The following ZFHX3 variants were observed in gnomAD, a reference collection of about 807,000 sequenced individuals.
The protein encoded by ZFHX3 is zinc finger homeobox protein 3.
In ZFHX3, 42 loss-of-function variants were observed where a neutral mutation model predicts 279.1. The observed-to-expected ratio is 0.15, with a 90% CI of 0.12 to 0.19. The LOEUF (loss-of-function observed/expected upper bound fraction) is 0.19, where lower values mean the gene tolerates loss of function less well. Ranked by LOEUF, ZFHX3 falls within the 10% of genes least tolerant of loss-of-function variation. The probability of loss-of-function intolerance (pLI) is 1.00; values close to 1 mark genes in which losing one functional copy is unlikely to be tolerated. For synonymous variants in ZFHX3, 2,293 were observed against 1,957.8 expected, an observed-to-expected ratio of 1.17 and a Z score of -4.52; for missense variants, 4,981 against 4,754.0, an observed-to-expected ratio of 1.05 and a Z score of -1.40.
intron 3 of ZFHX3, among the ~76,000 whole-genome samples, chr16:73,418,144 G>A (rs1187766065): frequency 2.6e-5 from 4 of 152,168 alleles, no homozygotes; most frequent in African/African-American, 7.2e-5. Context: ...CTGGGAACTC[G>A]CTATTTCCCT....
At chr16:73,133,397 C>T (rs552435118) in intron 6 of ZFHX3, among the ~76,000 whole-genome samples, 1 of 152,178 alleles carries the variant, frequency 6.6e-6, no homozygotes, top group East Asian at 1.9e-4. Context: ...TGGCGAGTGC[C>T]TGTAGTCCCA....
chr16:73,778,259 A>C (rs894501382), intron 1 of ZFHX3, among the ~76,000 whole-genome samples: 1 of 149,680 alleles, frequency 6.7e-6, no homozygotes, highest in Admixed American at 6.6e-5. Flanking sequence ...AAAAAAAAAA[A>C]AAAGCATTGG....
At chr16:73,436,566 G>A (rs1265466907) in intron 3 of ZFHX3, among the ~76,000 whole-genome samples, 2 of 152,078 alleles carry the variant, frequency 1.3e-5, no homozygotes, top group South Asian at 2.1e-4. Context: ...ACAACACGTG[G>A]GAATTATGGG....
intron 2 of ZFHX3, among the ~76,000 whole-genome samples, chr16:73,615,563 A>T (rs778220102): frequency 1.3e-5 from 2 of 152,228 alleles, no homozygotes; most frequent in African/African-American, 4.8e-5. Context: ...CTTTGTTTAC[A>T]ATTACATGTC....
At chr16:73,109,047 C>T (rs1966339382) in intron 7 of ZFHX3, among the ~76,000 whole-genome samples, 1 of 152,222 alleles carries the variant, frequency 6.6e-6, no homozygotes, top group African/African-American at 2.4e-5. Context: ...GCACAAGGCT[C>T]TTCAGAGGGG....
Position 73,424,753 on chromosome 16 carries a change from CAAAAA to C in ZFHX3, c.-1291+31245_-1291+31249del, listed in dbSNP as rs71156163. ...TGGGAGACAGAGTGATACCCTGTGT[CAAAAA>C]AAAAAAAAAAAAAAAAAAAGAGAAA... On this transcript the variant is annotated intron_variant, in intron 3 of 17. Coordinates refer to the ZFHX3 transcript ENST00000641206. 9.8e-3 allele frequency among the ~76,000 whole-genome samples: 937 copies of C among 95,776 alleles called. 3 individuals carry two copies. The highest frequency in any genetic ancestry group is 0.027 in the African/African-American group (572 of 21,394). The allele number at this position is 95,776 out of a possible 152,430, so 62.8% of individuals were successfully genotyped here. A position where few individuals can be genotyped will look rare whatever the true frequency, so the allele number is the denominator to read the frequency against.
At chr16:73,189,947 A>C (rs1967992569) in intron 5 of ZFHX3, among the ~76,000 whole-genome samples, 1 of 152,224 alleles carries the variant, frequency 6.6e-6, no homozygotes, top group South Asian at 2.1e-4. Flanking sequence ...TTAAAAAAAA[A>C]ATTAAAAACT....
chr16:72,816,836 A>G (rs2036621032), intron 5 of ZFHX3, among the ~76,000 whole-genome samples: 2 of 152,362 alleles, frequency 1.3e-5, no homozygotes, highest in Admixed American at 1.3e-4. Context: ...TTGTCAATAC[A>G]TGGCTCCCTT....
At position 73,124,502 on chromosome 16, in the gene ZFHX3, C is replaced by T. The variant is rs565148504; in HGVS notation, c.-897+6466G>A. On this transcript the variant is annotated intron_variant, in intron 7 of 17. Transcript: ENST00000641206. ...ATTCAGACCATACCCTAGAGCGATT[C>T]AGAGTGCGGGCTTTGGAGCCAGGCA... Among the ~76,000 whole-genome samples, 59 of 152,298 alleles carry T rather than the reference C, an allele frequency of 3.9e-4. 2 individuals carry two copies. Among genetic ancestry groups the T allele is most frequent in the African/African-American group, 1.2e-3 (50 of 41,568 alleles).
chr16:73,429,344 T>C (rs1457795005), intron 3 of ZFHX3, among the ~76,000 whole-genome samples: 1 of 152,162 alleles, frequency 6.6e-6, no homozygotes, highest in African/African-American at 2.4e-5. Context: ...ATATATATAA[T>C]TTTTATGAGA....
At chr16:72,833,754 T>G (rs542485716) in intron 4 of ZFHX3, among the ~76,000 whole-genome samples, 1 of 152,198 alleles carries the variant, frequency 6.6e-6, no homozygotes, top group Admixed American at 6.5e-5. Context: ...CAGCTCTGTG[T>G]TTTAGAAGAC....
At chr16:73,109,052 G>C (rs1197221502) in intron 7 of ZFHX3, among the ~76,000 whole-genome samples, 3 of 152,216 alleles carry the variant, frequency 2.0e-5, no homozygotes, top group African/African-American at 7.2e-5. Context: ...AGGCTCTTCA[G>C]AGGGGACCCT....
At chr16:72,936,848 T>C (rs960321927) in intron 3 of ZFHX3, among the ~76,000 whole-genome samples, 11 of 151,726 alleles carry the variant, frequency 7.2e-5, no homozygotes, top group African/African-American at 1.9e-4. Flanking sequence ...GGAGAGGGGA[T>C]TGTAAAGGGC....
intron 5 of ZFHX3, among the ~76,000 whole-genome samples, chr16:73,180,020 G>A (rs896653198): frequency 2.6e-5 from 4 of 152,184 alleles, no homozygotes; most frequent in South Asian, 4.1e-4. Context: ...TTACCACTAT[G>A]TCAATAGAAG....
intron 1 of ZFHX3, among the ~76,000 whole-genome samples, chr16:73,746,364 T>C (rs2142265086): frequency 6.6e-6 from 1 of 152,318 alleles, no homozygotes; most frequent in Non-Finnish European, 1.5e-5. Context: ...ATTTACGATT[T>C]TTATTATAAA....
At chr16:73,718,140 G>C (rs2142234806) in intron 1 of ZFHX3, among the ~76,000 whole-genome samples, 1 of 152,306 alleles carries the variant, frequency 6.6e-6, no homozygotes, top group African/African-American at 2.4e-5. Flanking sequence ...GCTGGGCACG[G>C]TGGCTCACGC....
rs2035325024 is a variant in ZFHX3, at chr16:72,785,467, G to A, written c.*1697C>T. ...ATTAACATTTGCCTCTCTGCTTGCA[G>A]AAGAAGCACATAACAACCTGGGAAT... On this transcript the variant is annotated 3_prime_UTR_variant, in exon 10 of 10. Coordinates refer to ENST00000268489, the MANE Select transcript of ZFHX3 (RefSeq NM_006885.4). 6.6e-6 allele frequency: 1 copy of A among 152,638 alleles called. No individual in the cohort carries two copies. The highest frequency in any genetic ancestry group is 2.1e-4 in the South Asian group (1 of 4,834). 9.5% of individuals were successfully genotyped at this position (152,638 alleles called of 1,614,324 possible). A position where few individuals can be genotyped will look rare whatever the true frequency, so the allele number is the denominator to read the frequency against.
intron 1 of ZFHX3, among the ~76,000 whole-genome samples, chr16:72,987,115 C>T (rs115045035): frequency 0.014 from 2,075 of 152,254 alleles, 49 homozygotes; most frequent in African/African-American, 0.048. Context: ...GAGCTGTGAT[C>T]CAGCCACTAC....
chr16:73,104,307 TG>T (rs1345126900), intron 7 of ZFHX3, among the ~76,000 whole-genome samples: 1 of 152,182 alleles, frequency 6.6e-6, no homozygotes, highest in Non-Finnish European at 1.5e-5. Flanking sequence ...CTTAGTTCGA[TG>T]CAACCTCCAC....
Sources: allele counts gnomAD v4.1 joint callset (sites outside exome capture counted in the v4.1 genomes callset), GRCh38; gene constraint gnomAD v4.1.1; transcripts MANE v1.5; gene names NCBI Gene and HGNC (gene_info 2026-07-23, HGNC 2026-07-21).